The following GABRA2 variants were observed in gnomAD, a reference collection of about 807,000 sequenced individuals.
The protein encoded by GABRA2 is gamma-aminobutyric acid receptor subunit alpha-2.
Under a neutral mutation model 48.7 loss-of-function variants are expected in GABRA2, and 16 were observed. The observed-to-expected ratio is 0.33, with a 90% confidence interval of 0.22 to 0.50. The LOEUF (loss-of-function observed/expected upper bound fraction) is 0.50, where lower values mean the gene tolerates loss of function less well. Among genes scored for constraint, GABRA2 ranks in the 20% least tolerant of loss-of-function variants. GABRA2 has a pLI of 0.98. For missense variants in GABRA2, 275 were observed against 535.6 expected, an observed-to-expected ratio of 0.51 and a Z score of 4.80; for synonymous variants, 185 against 184.5, an observed-to-expected ratio of 1.00 and a Z score of -0.02.
chr4:46,278,374 T>C (rs1181129995), intron 8 of GABRA2, among the ~76,000 whole-genome samples: 2 of 152,070 alleles, frequency 1.3e-5, no homozygotes, highest in Non-Finnish European at 2.9e-5. Context: ...GTAGAGAAAA[T>C]CTAGAGTTTA....
intron 8 of GABRA2, among the ~76,000 whole-genome samples, chr4:46,291,798 C>G (rs375898605): frequency 9.0e-6 from 1 of 111,098 alleles, no homozygotes; most frequent in East Asian, 3.1e-4. Context: ...TATACATATA[C>G]ATATATATGT....
chr4:46,325,018 G>A (rs1057174788), intron 4 of GABRA2, among the ~76,000 whole-genome samples: 1 of 151,906 alleles, frequency 6.6e-6, no homozygotes, highest in Non-Finnish European at 1.5e-5. Flanking sequence ...GAATTGTGCT[G>A]CAATGAACAT....
intron 9 of GABRA2, among the ~76,000 whole-genome samples, chr4:46,253,076 T>C (rs1715119985): frequency 6.6e-6 from 1 of 151,464 alleles, no homozygotes; most frequent in South Asian, 2.1e-4. Flanking sequence ...GTTGAAGAAC[T>C]CAAGGAAAGT....
chr4:46,297,858 G>A (rs887402958), intron 8 of GABRA2, among the ~76,000 whole-genome samples: 14 of 151,668 alleles, frequency 9.2e-5, no homozygotes, highest in Non-Finnish European at 1.9e-4. Context: ...ATTTTTTAAT[G>A]TAGGCATTTA....
At chr4:46,371,092 T>A (rs1286833113) in intron 3 of GABRA2, among the ~76,000 whole-genome samples, 1 of 152,276 alleles carries the variant, frequency 6.6e-6, no homozygotes, top group Admixed American at 6.5e-5. Flanking sequence ...TTTTATACTC[T>A]AGTATACAGC....
Position 46,385,963 on chromosome 4 carries a change from T to G in GABRA2, c.187+111A>C, listed in dbSNP as rs950170334. On this transcript the variant is annotated intron_variant, in intron 3 of 9. Coordinates refer to ENST00000381620, the MANE Select transcript of GABRA2 (RefSeq NM_000807.4). Reference sequence around the variant, plus strand: ...ATCTTACTTTCTATTTTCTATAATTTTATATACACAGTGATGCATTCATAT... The same window carrying G: ...ATCTTACTTTCTATTTTCTATAATTGTATATACACAGTGATGCATTCATAT... 4.7e-6 allele frequency: 3 copies of G among 644,340 alleles called. No homozygotes were observed. In the African/African-American group the frequency reaches 5.7e-5, roughly 12 times the overall value. 39.9% of individuals were successfully genotyped at this position (644,340 alleles called of 1,614,324 possible).
intron 4 of GABRA2, among the ~76,000 whole-genome samples, chr4:46,329,928 G>T: frequency 6.6e-6 from 1 of 151,944 alleles, no homozygotes; most frequent in Non-Finnish European, 1.5e-5. Context: ...ATGAATTAAG[G>T]GAAATGTATT....
intron 3 of GABRA2, chr4:46,364,797 A>G (rs1713788159): frequency 1.3e-5 from 2 of 152,158 alleles, no homozygotes; most frequent in African/African-American, 4.8e-5. Flanking sequence ...CACTCGGATA[A>G]TGTCCCTTTC....
intron 8 of GABRA2, among the ~76,000 whole-genome samples, chr4:46,298,340 T>C (rs1228215331): frequency 6.6e-6 from 1 of 151,260 alleles, no homozygotes; most frequent in Non-Finnish European, 1.5e-5. Flanking sequence ...ACATTTCCTA[T>C]GTGTTCTTTT....
At chr4:46,297,101 T>C (rs1195001398) in intron 8 of GABRA2, among the ~76,000 whole-genome samples, 1 of 152,120 alleles carries the variant, frequency 6.6e-6, no homozygotes, top group African/African-American at 2.4e-5. Flanking sequence ...TGGTTAATAC[T>C]GAGTGTCAAC....
chr4:46,315,369 A>G (rs1728375975), intron 4 of GABRA2, among the ~76,000 whole-genome samples: 1 of 151,850 alleles, frequency 6.6e-6, no homozygotes, highest in Admixed American at 6.6e-5. Context: ...AGTTTCCTAA[A>G]AATTGTTTCC....
At chr4:46,298,439 G>A (rs567290599) in intron 8 of GABRA2, among the ~76,000 whole-genome samples, 2 of 151,882 alleles carry the variant, frequency 1.3e-5, no homozygotes, top group East Asian at 3.9e-4. Flanking sequence ...TTGTTTTATT[G>A]TACTCACAAT....
intron 8 of GABRA2, among the ~76,000 whole-genome samples, chr4:46,299,538 T>C (rs963157211): frequency 4.6e-5 from 7 of 151,918 alleles, no homozygotes; most frequent in African/African-American, 1.7e-4. Flanking sequence ...TCCAATAGTG[T>C]AATAATAAAA....
At chr4:46,338,678 T>C (rs1282687555) in intron 3 of GABRA2, among the ~76,000 whole-genome samples, 2 of 151,904 alleles carry the variant, frequency 1.3e-5, no homozygotes, top group African/African-American at 4.8e-5. Context: ...CATTTAAGAC[T>C]GAAAATCTTG....
chr4:46,271,646 G>A (rs192666379), intron 8 of GABRA2, among the ~76,000 whole-genome samples: 1 of 151,980 alleles, frequency 6.6e-6, no homozygotes, highest in African/African-American at 2.4e-5. Flanking sequence ...TTTAATATTG[G>A]TGAGAATAAA....
At chr4:46,308,400 G>A (rs1332468610) in intron 6 of GABRA2, among the ~76,000 whole-genome samples, 3 of 152,188 alleles carry the variant, frequency 2.0e-5, no homozygotes, top group Non-Finnish European at 2.9e-5. Flanking sequence ...GGAAGAAGAG[G>A]GCTTTCAAGT....
At chr4:46,353,262 A>G (rs1374622567) in intron 3 of GABRA2, among the ~76,000 whole-genome samples, 3 of 152,012 alleles carry the variant, frequency 2.0e-5, no homozygotes, top group African/African-American at 7.2e-5. Flanking sequence ...CCAGATTCCT[A>G]TCACCTGTCA....
At chr4:46,352,394 A>G (rs1735276378) in intron 3 of GABRA2, among the ~76,000 whole-genome samples, 1 of 151,976 alleles carries the variant, frequency 6.6e-6, no homozygotes, top group Non-Finnish European at 1.5e-5. Flanking sequence ...GAAAAAACAG[A>G]AATTGTAAGT....
intron 8 of GABRA2, among the ~76,000 whole-genome samples, chr4:46,272,074 C>T (rs963568461): frequency 6.6e-6 from 1 of 151,920 alleles, no homozygotes; most frequent in Non-Finnish European, 1.5e-5. Context: ...AACAAAATTG[C>T]AAAGATTCCT....
Sources: allele counts gnomAD v4.1 joint callset (sites outside exome capture counted in the v4.1 genomes callset), GRCh38; gene constraint gnomAD v4.1.1; transcripts MANE v1.5; gene names NCBI Gene and HGNC (gene_info 2026-07-23, HGNC 2026-07-21).